The following ODAD2 variants were observed in gnomAD, a reference collection of about 807,000 sequenced individuals.
ODAD2 encodes the protein outer dynein arm docking complex subunit 2.
A neutral mutation model predicts 106.8 loss-of-function variants in ODAD2; 89 were observed. That is an observed-to-expected ratio of 0.83 (90% confidence interval 0.70 to 0.99). ODAD2 has a LOEUF of 0.99. Ranked by LOEUF, ODAD2 falls within the 50% of genes least tolerant of loss-of-function variation. The pLI is 0.00. For synonymous variants in ODAD2, 404 were observed against 436.2 expected (o/e 0.93, Z 0.92); for missense variants, 1,168 against 1,238.5 (o/e 0.94, Z 0.85).
At chr10:27,958,814 G>A in intron 10 of ODAD2, 1 of 1,286,554 alleles carries the variant, frequency 7.8e-7, no homozygotes, top group Non-Finnish European at 1.0e-6. Context: ...GGAAACTGAA[G>A]CTTAGAGGGG....
intron 7 of ODAD2, among the ~76,000 whole-genome samples, chr10:27,979,288 C>A (rs1037870793): frequency 6.6e-6 from 1 of 151,090 alleles, no homozygotes; most frequent in East Asian, 1.9e-4. Flanking sequence ...TTTTACCACT[C>A]TTATTCAACA....
intron 6 of ODAD2, 55 bp from the exon 7 acceptor site, chr10:27,981,637 G>A: frequency 8.2e-7 from 1 of 1,226,488 alleles, no homozygotes; most frequent in Middle Eastern, 1.9e-4. Flanking sequence ...ATTGTAAGAA[G>A]CTGATCAATA....
intron 17 of ODAD2, among the ~76,000 whole-genome samples, chr10:27,869,008 T>C (rs1378690208): frequency 1.3e-5 from 2 of 151,818 alleles, no homozygotes; most frequent in Non-Finnish European, 2.9e-5. Flanking sequence ...AGGAAAATAA[T>C]AAAAGCAATG....
intron 16 of ODAD2, among the ~76,000 whole-genome samples, chr10:27,912,659 A>G (rs957511149): frequency 6.6e-6 from 1 of 152,176 alleles, no homozygotes; most frequent in Non-Finnish European, 1.5e-5. Context: ...ACTTCACAGT[A>G]TTTGGTGAAA....
At chr10:27,877,384 C>G (rs1309772416) in intron 17 of ODAD2, among the ~76,000 whole-genome samples, 1 of 152,136 alleles carries the variant, frequency 6.6e-6, no homozygotes, top group East Asian at 1.9e-4. Flanking sequence ...GAGCCAAAGT[C>G]CCCGTGAGAT....
intron 7 of ODAD2, among the ~76,000 whole-genome samples, chr10:27,972,686 C>T (rs1158647412): frequency 6.6e-6 from 1 of 152,090 alleles, no homozygotes; most frequent in Admixed American, 6.5e-5. Context: ...CGAAGAGGAG[C>T]ACACATACTA....
chr10:27,900,512 T>C (rs1843127501), intron 17 of ODAD2, among the ~76,000 whole-genome samples: 2 of 152,160 alleles, frequency 1.3e-5, no homozygotes, highest in African/African-American at 2.4e-5. Context: ...AACAAACTCG[T>C]CTGAGCTAAA....
chr10:27,907,797 C>A lies in ODAD2; in HGVS notation c.2496-20G>T. 6.6e-7 allele frequency: 1 copy of A among 1,506,214 alleles called. No individual in the cohort carries two copies. The highest frequency in any genetic ancestry group is 1.1e-5 in the South Asian group (1 of 88,816). The allele number at this position is 1,506,214 out of a possible 1,614,324, so 93.3% of individuals were successfully genotyped here. A position where few individuals can be genotyped will look rare whatever the true frequency, so the allele number is the denominator to read the frequency against. On this transcript the variant is annotated intron_variant, in intron 16 of 19. Coordinates refer to ENST00000305242, the MANE Select transcript of ODAD2 (RefSeq NM_018076.5). The stretch of plus-strand genomic sequence containing the variant: ...ATTATCCTATCGTGGAACCCAAAAT[C>A]ATGATATAAACTGTCATTAGTATGT...
At chr10:27,929,318 A>G (rs1220967371) in intron 16 of ODAD2, among the ~76,000 whole-genome samples, 1 of 152,178 alleles carries the variant, frequency 6.6e-6, no homozygotes, top group African/African-American at 2.4e-5. Context: ...AATGTTTTGT[A>G]CCATGTCTAT....
chr10:27,877,787 A>G (rs1841442864), intron 17 of ODAD2, among the ~76,000 whole-genome samples: 2 of 152,120 alleles, frequency 1.3e-5, no homozygotes, highest in Non-Finnish European at 2.9e-5. Context: ...TAATGGCAAA[A>G]CCCTTAATAA....
intron 2 of ODAD2, among the ~76,000 whole-genome samples, chr10:27,990,666 ATAT>A (rs1850173691): frequency 6.6e-6 from 1 of 152,216 alleles, no homozygotes; most frequent in South Asian, 2.1e-4. Context: ...TCATAAAACA[ATAT>A]TATTTTATAG....
intron 17 of ODAD2, among the ~76,000 whole-genome samples, chr10:27,868,858 AAAT>A (rs1335784753): frequency 2.0e-5 from 3 of 151,908 alleles, no homozygotes; most frequent in African/African-American, 4.8e-5. Context: ...AAATAAAAAT[AAAT>A]AATAAAATAA....
intron 12 of ODAD2, among the ~76,000 whole-genome samples, chr10:27,942,968 T>TA (rs1846563139): frequency 6.6e-6 from 1 of 152,210 alleles, no homozygotes. Context: ...CTATTTACAT[T>TA]AAAATCCATA....
At chr10:27,885,811 A>ATT (rs1564466838) in intron 17 of ODAD2, among the ~76,000 whole-genome samples, 1 of 87,620 alleles carries the variant, frequency 1.1e-5, no homozygotes, top group Non-Finnish European at 2.1e-5. Context: ...TAAAATATAT[A>ATT]TTATATATAA....
rs766361375 is a variant in ODAD2 at position 27,935,271 on chromosome 10, A to G, written c.2253-19T>C. The G allele has an allele frequency of 3.1e-6, 5 of 1,612,076 alleles. No individual in the cohort carries two copies. The East Asian group carries it at 8.9e-5, about 29-fold the overall frequency. On this transcript the variant is annotated intron_variant, in intron 15 of 19. Transcript: ENST00000305242. ...CCGAAACCTAAGTTCATCATAAGAA[A>G]GAGGAGAATTGGTTTTTGTATAAGG... is the stretch of plus-strand genomic sequence containing the variant.
At chr10:27,865,768 C>T (rs952973379) in intron 17 of ODAD2, among the ~76,000 whole-genome samples, 2 of 152,194 alleles carry the variant, frequency 1.3e-5, no homozygotes, top group East Asian at 3.8e-4. Flanking sequence ...GTGGTTACAA[C>T]AAACCAAACT....
At chr10:27,855,369 G>A (rs191890762) in intron 19 of ODAD2, among the ~76,000 whole-genome samples, 2 of 152,086 alleles carry the variant, frequency 1.3e-5, no homozygotes, top group East Asian at 1.9e-4. Flanking sequence ...AAACAAGTCT[G>A]TTTATTACTC....
chr10:27,898,735 TG>T (rs1433435328), intron 17 of ODAD2, among the ~76,000 whole-genome samples: 1 of 152,202 alleles, frequency 6.6e-6, no homozygotes, highest in Non-Finnish European at 1.5e-5. Context: ...TCAACATATT[TG>T]TGATATGTAT....
chr10:27,971,820 G>C (rs1848884778), intron 7 of ODAD2, among the ~76,000 whole-genome samples: 1 of 151,980 alleles, frequency 6.6e-6, no homozygotes, highest in Non-Finnish European at 1.5e-5. Context: ...TCTTTACTAA[G>C]AATAAAACAA....
Sources: allele counts gnomAD v4.1 joint callset (sites outside exome capture counted in the v4.1 genomes callset), GRCh38; gene constraint gnomAD v4.1.1; transcripts MANE v1.5; gene names NCBI Gene and HGNC (gene_info 2026-07-23, HGNC 2026-07-21).